The following INTS6 variants were observed in gnomAD, a reference collection of about 807,000 sequenced individuals.
INTS6 encodes the protein DEAD box protein.
INTS6 carries 16 observed loss-of-function variants against 104.9 expected under a neutral mutation model. The ratio of observed to expected loss-of-function variants is 0.15; its 90% CI spans 0.10 to 0.23. INTS6 has a LOEUF of 0.23. INTS6 is among the 10% of genes least tolerant of loss of function. The pLI is 1.00. For missense variants in INTS6, 584 were observed against 1,062.8 expected (o/e 0.55, Z 6.26); for synonymous variants, 324 against 358.7 (o/e 0.90, Z 1.09).
intron 3 of INTS6, 63 bp from the exon 4 acceptor site, chr13:51,430,446 C>A: frequency 7.8e-7 from 1 of 1,286,644 alleles, no homozygotes; most frequent in Non-Finnish European, 1.1e-6. Flanking sequence ...AGTAAAAAGT[C>A]AATTCTCAGA....
intron 15 of INTS6, among the ~76,000 whole-genome samples, chr13:51,372,313 T>TTC (rs1395419530): frequency 6.6e-6 from 1 of 151,990 alleles, no homozygotes; most frequent in Non-Finnish European, 1.5e-5. Context: ...CAGTTTTTTT[T>TTC]TTTTTTTTAA....
the INTS6 span, chr13:51,344,564 GC>G: frequency 8.4e-7 from 1 of 1,186,328 alleles, no homozygotes. Flanking sequence ...CTTGTCAGAG[GC>G]CATGGTGCTC....
At chr13:51,391,509 G>A (rs1021587837) in intron 5 of INTS6, among the ~76,000 whole-genome samples, 8 of 152,100 alleles carry the variant, frequency 5.3e-5, no homozygotes, top group African/African-American at 1.7e-4. Context: ...TATATCCTCC[G>A]TAATGTTCCT....
chr13:51,375,567 T>C lies in INTS6; in HGVS notation c.1729+481A>G, dbSNP rs114949101. Among the ~76,000 whole-genome samples the C allele has an allele frequency of 3.1e-3, 477 of 152,134 alleles. 4 individuals carry two copies. Among genetic ancestry groups the C allele is most frequent in the African/African-American group, 0.011 (449 of 41,524 alleles). The stretch of plus-strand genomic sequence containing the variant: ...GAGGTGGCAAACGTTTAAAGTCTCA[T>C]CTGACTTGATTTATAGTAGGTGCCA... On this transcript the variant is annotated intron_variant, in intron 13 of 17. Coordinates refer to ENST00000311234, the MANE Select transcript of INTS6 (RefSeq NM_012141.3).
intron 4 of INTS6, among the ~76,000 whole-genome samples, chr13:51,425,494 T>C (rs915046178): frequency 6.6e-6 from 1 of 152,076 alleles, no homozygotes; most frequent in Non-Finnish European, 1.5e-5. Context: ...CAGAAGGACT[T>C]GTCAGCATAT....
At chr13:51,371,579 T>G (rs1404796503) in intron 15 of INTS6, among the ~76,000 whole-genome samples, 1 of 152,058 alleles carries the variant, frequency 6.6e-6, no homozygotes, top group Non-Finnish European at 1.5e-5. Flanking sequence ...GCCCCAGACT[T>G]GCATTTGGAA....
chr13:51,435,560 CTA>C (rs1034825962), intron 3 of INTS6, among the ~76,000 whole-genome samples: 2 of 151,818 alleles, frequency 1.3e-5, no homozygotes, highest in African/African-American at 2.4e-5. Flanking sequence ...CTATTATAAC[CTA>C]TGTTATTTTT....
intron 4 of INTS6, among the ~76,000 whole-genome samples, chr13:51,413,212 A>T (rs1207153242): frequency 4.6e-5 from 7 of 151,870 alleles, no homozygotes; most frequent in African/African-American, 1.7e-4. Flanking sequence ...TTTTTTTTTT[A>T]AAGGGTCAAA....
In INTS6 at chr13:51,452,319, C is replaced by G. The variant is rs1451624928; in HGVS notation, c.111+96G>C. On this transcript the variant is annotated intron_variant, in intron 1 of 17. Transcript: ENST00000311234. This position sits in a 1 kb window ranked among gnomAD's most constrained non-coding sequence, Gnocchi z 4.2. Reference sequence around the variant, plus strand: ...CCCCGAGCCCGGCAGCTCCCGCAGTCAGGTCCCCGACACCCCCGCCCCGGC... The same window carrying G: ...CCCCGAGCCCGGCAGCTCCCGCAGTGAGGTCCCCGACACCCCCGCCCCGGC... The G allele has an allele frequency of 1.7e-6, 2 of 1,177,516 alleles. No individual in the cohort carries two copies. The highest frequency in any genetic ancestry group is 4.7e-5 in the Admixed American group (1 of 21,448). The allele number at this position is 1,177,516 out of a possible 1,614,324, so 72.9% of individuals were successfully genotyped here.
rs1955664298 is a variant in INTS6, at chr13:51,365,357, T to C, written c.*395A>G. ...CAAAACATTACCTAGTTTTAATGTA[T>C]GTGCTTTTTTCCCCAAAAATTACAA... is the stretch of plus-strand genomic sequence containing the variant. On this transcript the variant is annotated 3_prime_UTR_variant, in exon 18 of 18. Transcript: ENST00000311234. 2 of 155,504 alleles carry C rather than the reference T, an allele frequency of 1.3e-5. No homozygotes were observed. Among genetic ancestry groups the C allele is most frequent in the African/African-American group, 2.4e-5 (1 of 41,422 alleles). The allele number at this position is 155,504 out of a possible 1,614,324, so 9.6% of individuals were successfully genotyped here.
intron 4 of INTS6, among the ~76,000 whole-genome samples, chr13:51,420,671 T>A (rs1460511152): frequency 1.3e-5 from 2 of 151,262 alleles, no homozygotes; most frequent in African/African-American, 2.4e-5. Context: ...TGCAAACTTA[T>A]CCTTCCAAAC....
downstream of INTS6, among the ~76,000 whole-genome samples, chr13:51,350,794 G>T (rs1391422012): frequency 6.6e-6 from 1 of 151,966 alleles, no homozygotes; most frequent in Non-Finnish European, 1.5e-5. Context: ...GTCACTCCCA[G>T]CTCCCCTCCC....
At chr13:51,398,513 C>G (rs766810778) in intron 4 of INTS6, among the ~76,000 whole-genome samples, 7 of 151,924 alleles carry the variant, frequency 4.6e-5, no homozygotes, top group Non-Finnish European at 7.4e-5. Context: ...TATCATTTCA[C>G]AATAAGATTA....
At chr13:51,391,164 A>T (rs1277602539) in intron 5 of INTS6, among the ~76,000 whole-genome samples, 1 of 152,166 alleles carries the variant, frequency 6.6e-6, no homozygotes, top group Non-Finnish European at 1.5e-5. Context: ...AGCAATCCAT[A>T]AAAAGGCTAA....
Position 51,374,816 on chromosome 13 carries a change from A to C in INTS6, c.1730-20T>G, listed in dbSNP as rs748003957. On this transcript the variant is annotated intron_variant, in intron 13 of 17. Transcript: ENST00000311234. ...CTTGATCTTTCAAAAAGAATACAAC[A>C]GCAAAAAAAGTTAACCTCCAATTAG... The C allele has an allele frequency of 6.2e-5, 99 of 1,607,526 alleles. No homozygotes were observed. Among genetic ancestry groups the C allele is most frequent in the Non-Finnish European group, 7.8e-5 (92 of 1,176,874 alleles).
In INTS6 at chr13:51,431,862, T is replaced by G. The variant is rs191274325; in HGVS notation, c.340-1479A>C. On this transcript the variant is annotated intron_variant, in intron 3 of 17. Coordinates refer to ENST00000311234, the MANE Select transcript of INTS6 (RefSeq NM_012141.3). ...GAGTCTTGCAGGGAGAAAACATGAA[T>G]TAATTTATCCCTCCTTTTCCTCTGT... Among the ~76,000 whole-genome samples the G allele has an allele frequency of 3.7e-3, 565 of 152,296 alleles. 3 individuals are homozygous for G. The highest frequency in any genetic ancestry group is 0.01 in the Middle Eastern group (3 of 294).
intron 3 of INTS6, among the ~76,000 whole-genome samples, chr13:51,431,366 T>C (rs1426292259): frequency 6.6e-6 from 1 of 152,214 alleles, no homozygotes; most frequent in East Asian, 1.9e-4. Context: ...AATGTGCATA[T>C]GAGCCACTTG....
At chr13:51,391,898 T>C (rs1305150991) in intron 5 of INTS6, among the ~76,000 whole-genome samples, 2 of 152,210 alleles carry the variant, frequency 1.3e-5, no homozygotes, top group Admixed American at 6.5e-5. Flanking sequence ...ATTTTAAAAT[T>C]TGCTATCATC....
At position 51,378,269 on chromosome 13, in the gene INTS6, G is replaced by A; in HGVS notation, c.1572C>T (p.Tyr524=). 6.2e-7 allele frequency: 1 copy of A among 1,613,236 alleles called. No homozygotes were observed. The highest frequency in any genetic ancestry group is 1.1e-5 in the South Asian group (1 of 91,060). Residue 524 remains tyrosine, a synonymous_variant, in exon 12 of 18, where the codon TAC becomes TAT. Transcript: ENST00000311234. Reference sequence around the variant, plus strand: ...TCAGCAAAGCAACTTGGAACCCAGTGTATTCCTTCATATTAAGGTCTAGCA... The same window carrying A: ...TCAGCAAAGCAACTTGGAACCCAGTATATTCCTTCATATTAAGGTCTAGCA... ...HRLLDLNMKE[Y]TGFQVALLNK...
Sources: gnomAD v4.1 joint callset for allele counts (sites outside exome capture counted in the v4.1 genomes callset) on GRCh38, gnomAD v4.1.1 for gene constraint, Gnocchi (gnomAD v3.1) non-coding constraint, MANE v1.5 for transcripts, NCBI Gene and HGNC (gene_info 2026-07-23, HGNC 2026-07-21) for gene names.